Variants in PPIL6 observed in about 807,000 individuals in gnomAD.
The protein encoded by PPIL6 is peptidylprolyl isomerase like 6.
In PPIL6, 39 loss-of-function variants were observed where a neutral mutation model predicts 36.8. The ratio of observed to expected loss-of-function variants is 1.06; its 90% CI spans 0.82 to 1.38. PPIL6 has a LOEUF of 1.38. PPIL6 is among the 40% of genes most tolerant of loss of function. PPIL6 has a pLI of 0.00. For missense variants in PPIL6, 368 were observed against 379.1 expected (o/e 0.97, Z 0.24); for synonymous variants, 123 against 134.1 (o/e 0.92, Z 0.57).
At chr6:109,395,821 G>A (rs1315733020) in intron 7 of PPIL6, among the ~76,000 whole-genome samples, 4 of 145,908 alleles carry the variant, frequency 2.7e-5, no homozygotes, top group Admixed American at 7.0e-5. Flanking sequence ...GGCCAGGATG[G>A]TCTCGATCTC....
At chr6:109,430,707 G>A (rs1002586164) in intron 3 of PPIL6, among the ~76,000 whole-genome samples, 5 of 152,214 alleles carry the variant, frequency 3.3e-5, no homozygotes, top group Non-Finnish European at 5.9e-5. Flanking sequence ...TTACAGGCAT[G>A]AGCCACCGCG....
Position 109,427,139 on chromosome 6 carries a change from CA to C in PPIL6, c.437del (p.Leu146TrpfsTer13), listed in dbSNP as rs1339467698. On this transcript the variant is annotated frameshift_variant, in exon 4 of 8. Coordinates refer to ENST00000521072, the MANE Select transcript of PPIL6 (RefSeq NM_173672.5). LOFTEE classifies it high-confidence loss of function. ...LRDTKHDFVF[L>X]DICIDSSPIG... ...TTGGAGAAGAATCAATACAAATGTC[CA>C]AAAACACGAAATCATGCTGTGAAGA... The C allele has an allele frequency of 2.5e-6, 4 of 1,610,844 alleles. No homozygotes were observed. The highest frequency in any genetic ancestry group is 3.4e-6 in the Non-Finnish European group (4 of 1,177,956).
At chr6:109,399,646 A>G (rs1582525808) in intron 7 of PPIL6, among the ~76,000 whole-genome samples, 1 of 152,032 alleles carries the variant, frequency 6.6e-6, no homozygotes, top group Non-Finnish European at 1.5e-5. Flanking sequence ...TAAGTAATTC[A>G]CCTGCCTTGG....
At chr6:109,426,695 T>C in intron 5 of PPIL6, 152 bp downstream of exon 5, 1 of 447,316 alleles carries the variant, frequency 2.2e-6, no homozygotes, top group South Asian at 6.9e-5. Flanking sequence ...AATACAAATA[T>C]CTTACTTCAT....
At chr6:109,396,687 C>T (rs2115193624) in intron 7 of PPIL6, among the ~76,000 whole-genome samples, 1 of 152,138 alleles carries the variant, frequency 6.6e-6, no homozygotes, top group Non-Finnish European at 1.5e-5. Flanking sequence ...ATTCCCCCTC[C>T]CCCAAACCCC....
chr6:109,423,519 T>C (rs1238889027), intron 5 of PPIL6, among the ~76,000 whole-genome samples: 1 of 152,160 alleles, frequency 6.6e-6, no homozygotes, highest in African/African-American at 2.4e-5. Flanking sequence ...TGTTAATAGT[T>C]GGGTAATTGT....
chr6:109,401,275 TTGTA>T (rs912383027), intron 6 of PPIL6, among the ~76,000 whole-genome samples: 2 of 151,858 alleles, frequency 1.3e-5, no homozygotes, highest in African/African-American at 4.8e-5. Context: ...GTAAAAAGAG[TTGTA>T]TGGTGATTAT....
intron 7 of PPIL6, among the ~76,000 whole-genome samples, chr6:109,396,965 C>T (rs1772328982): frequency 6.6e-6 from 1 of 151,564 alleles, no homozygotes. Context: ...TCAGACACAC[C>T]TGGGGATACT....
At chr6:109,410,279 G>A (rs1772962718) in intron 6 of PPIL6, among the ~76,000 whole-genome samples, 1 of 152,180 alleles carries the variant, frequency 6.6e-6, no homozygotes, top group Non-Finnish European at 1.5e-5. Flanking sequence ...CTTGTTGGGT[G>A]TAGAGGCCAT....
chr6:109,394,436 C>G (rs1489609323), intron 7 of PPIL6, among the ~76,000 whole-genome samples: 1 of 150,058 alleles, frequency 6.7e-6, no homozygotes, highest in Non-Finnish European at 1.5e-5. Flanking sequence ...TGGCCATGAG[C>G]TAGAACTTCC....
At chr6:109,429,324 G>A (rs546179467) in intron 3 of PPIL6, among the ~76,000 whole-genome samples, 10 of 152,282 alleles carry the variant, frequency 6.6e-5, no homozygotes, top group South Asian at 4.1e-4. Context: ...AGAGGATTAC[G>A]TCATACTCTT....
At chr6:109,401,555 A>G (rs1772538228) in intron 6 of PPIL6, among the ~76,000 whole-genome samples, 1 of 152,282 alleles carries the variant, frequency 6.6e-6, no homozygotes, top group East Asian at 1.9e-4. Flanking sequence ...AAAACTGAAT[A>G]AAGACCCCTG....
At position 109,401,026 on chromosome 6, in the gene PPIL6, A is replaced by ATTT. The variant is rs749611966; in HGVS notation, c.689-859_689-857dup. The stretch of plus-strand genomic sequence containing the variant: ...AGGCGCCCGCCACCATGCCCGGCTA[A>ATTT]TTTTTTTTTTTTTTTTTTTTTTTGT... On this transcript the variant is annotated intron_variant, in intron 6 of 7. Transcript: ENST00000521072. Among the ~76,000 whole-genome samples the ATTT allele has an allele frequency of 5.4e-3, 624 of 114,880 alleles. 5 individuals carry two copies. The highest frequency in any genetic ancestry group is 0.011 in the African/African-American group (307 of 26,960). The allele number at this position is 114,880 out of a possible 152,430, so 75.4% of individuals were successfully genotyped here.
chr6:109,419,461 G>A (rs1239018632), intron 5 of PPIL6, among the ~76,000 whole-genome samples: 1 of 151,464 alleles, frequency 6.6e-6, no homozygotes, highest in Non-Finnish European at 1.5e-5. Context: ...GGTAGCTCAC[G>A]CCTGTAATCC....
At chr6:109,393,467 C>A (rs140641914) in intron 7 of PPIL6, among the ~76,000 whole-genome samples, 46 of 152,254 alleles carry the variant, frequency 3.0e-4, no homozygotes, top group African/African-American at 1.1e-3. Context: ...CTCAAGCAGT[C>A]CTCCCATTTT....
rs188318457 is a variant in PPIL6 at position 109,420,288 on chromosome 6, G to A, written c.632-1045C>T. Reference sequence around the variant, plus strand: ...GCAGAGGTTGCAGCGAGCTGAGATCGCACCACTGCACTCCAGCCTGGGCGA... The same window carrying A: ...GCAGAGGTTGCAGCGAGCTGAGATCACACCACTGCACTCCAGCCTGGGCGA... On this transcript the variant is annotated intron_variant, in intron 5 of 7. Transcript: ENST00000521072. Among the ~76,000 whole-genome samples the A allele has an allele frequency of 3.6e-4, 43 of 119,548 alleles. 1 individual carries two copies. The East Asian group carries it at 0.01, about 29-fold the overall frequency. 78.4% of individuals were successfully genotyped at this position (119,548 alleles called of 152,430 possible). A position where few individuals can be genotyped will look rare whatever the true frequency, so the allele number is the denominator to read the frequency against.
rs1013613601 is a variant in PPIL6, at chr6:109,413,716, G to A, written c.688+5471C>T. 6.6e-6 allele frequency among the ~76,000 whole-genome samples: 1 copy of A among 152,148 alleles called. No homozygotes were observed. Among genetic ancestry groups the A allele is most frequent in the African/African-American group, 2.4e-5 (1 of 41,438 alleles). On this transcript the variant is annotated intron_variant, in intron 6 of 7. Coordinates refer to ENST00000521072, the MANE Select transcript of PPIL6 (RefSeq NM_173672.5). This position sits in a 1 kb window ranked among gnomAD's most constrained non-coding sequence, Gnocchi z 4.6. ...GCCAAGATTTGGAAGCTACCTAAGTGTCCATCAACAGAAGAATGGATAAAG... is the reference window on the plus strand; with the variant it reads ...GCCAAGATTTGGAAGCTACCTAAGTATCCATCAACAGAAGAATGGATAAAG...
chr6:109,426,781 T>C, intron 5 of PPIL6, 66 bp downstream of exon 5: 3 of 1,105,694 alleles, frequency 2.7e-6, no homozygotes, highest in Non-Finnish European at 2.5e-6. Flanking sequence ...TTCATAAAGA[T>C]AAATGAAAGT....
At chr6:109,433,478 T>A (rs1442395979) in intron 2 of PPIL6, among the ~76,000 whole-genome samples, 1 of 152,248 alleles carries the variant, frequency 6.6e-6, no homozygotes, top group Non-Finnish European at 1.5e-5. Flanking sequence ...AATGCCTTCC[T>A]CTGTCTCCTC....
Sources: gnomAD v4.1 joint callset for allele counts (sites outside exome capture counted in the v4.1 genomes callset) on GRCh38, gnomAD v4.1.1 for gene constraint, Gnocchi (gnomAD v3.1) non-coding constraint, MANE v1.5 for transcripts, NCBI Gene and HGNC (gene_info 2026-07-23, HGNC 2026-07-21) for gene names.